Variants in FRMPD4 observed in about 807,000 individuals in gnomAD.
FRMPD4 encodes the protein FERM and PDZ domain-containing protein 4.
FRMPD4 carries 22 observed loss-of-function variants against 94.1 expected under a neutral mutation model. The observed-to-expected ratio is 0.23, with a 90% CI of 0.17 to 0.33. FRMPD4 has a LOEUF of 0.33. Ranked by LOEUF, FRMPD4 falls within the 10% of genes least tolerant of loss-of-function variation. The pLI, the probability that FRMPD4 is intolerant of heterozygous loss-of-function variation, is 1.00. For synonymous variants in FRMPD4, 631 were observed against 548.6 expected (o/e 1.15, Z -2.10); for missense variants, 1,111 against 1,339.9 (o/e 0.83, Z 2.67).
rs763254065 is a variant in FRMPD4 at position 12,498,707 on chromosome X, G to A, written c.69G>A (p.Pro23=). The change falls in exon 2 of 17, where the codon CCG becomes CCA. Residue 23 remains proline (P), a synonymous_variant. Transcript: ENST00000675598. ...SSHRTKSSGW[P]PPSGTWGLSQ... is the part of the protein sequence containing the mutation. Reference sequence around the variant, plus strand: ...ACAGGACGAAGTCTTCAGGCTGGCCGCCTCCCTCGGGAACCTGGGGCTTGA... The same window carrying A: ...ACAGGACGAAGTCTTCAGGCTGGCCACCTCCCTCGGGAACCTGGGGCTTGA... 32 of 1,190,629 alleles carry A rather than the reference G, an allele frequency of 2.7e-5. No homozygotes were observed. The East Asian group carries it at 5.1e-4, about 19-fold the overall frequency.
rs775888443 is a variant in FRMPD4 at position 12,716,130 on chromosome X, GACC to G, written c.1675_1677del (p.Thr559del). On this transcript the variant is annotated inframe_deletion, in exon 15 of 17. Transcript: ENST00000675598. ...CAGATTGGAACTGTATACCCCAAAT[GACC>G]ACCTTTATTGGCGAAGGGGAACAAG... is the stretch of plus-strand genomic sequence containing the variant. The G allele has an allele frequency of 4.2e-6, 5 of 1,203,079 alleles. No individual in the cohort carries two copies. In the African/African-American group the frequency reaches 8.9e-5, roughly 21 times the overall value.
chrX:12,241,015 G>A (rs1470590443), intron 1 of FRMPD4, among the ~76,000 whole-genome samples: 2 of 112,023 alleles, frequency 1.8e-5, no homozygotes, highest in Non-Finnish European at 3.8e-5. Context: ...ACAGGAATAT[G>A]GCAATAAGAG....
chrX:12,286,289 G>A (rs1244015089), intron 1 of FRMPD4, among the ~76,000 whole-genome samples: 3 of 109,416 alleles, frequency 2.7e-5, no homozygotes, highest in Non-Finnish European at 5.7e-5. Flanking sequence ...AGATAATCTT[G>A]CTGTCATTTT....
intron 4 of FRMPD4, among the ~76,000 whole-genome samples, chrX:12,668,575 G>A (rs1474216502): frequency 1.9e-5 from 2 of 104,790 alleles, no homozygotes; most frequent in East Asian, 3.0e-4. Context: ...TCTGCATGAG[G>A]TTAAGTCATG....
At chrX:12,297,779 A>G (rs2054794916) in intron 1 of FRMPD4, among the ~76,000 whole-genome samples, 1 of 111,421 alleles carries the variant, frequency 9.0e-6, no homozygotes, top group Non-Finnish European at 1.9e-5. Flanking sequence ...GGAGTGATTA[A>G]ATACTGTTGG....
intron 1 of FRMPD4, among the ~76,000 whole-genome samples, chrX:12,232,434 C>T (rs1236168100): frequency 5.4e-5 from 6 of 110,763 alleles, no homozygotes; most frequent in Admixed American, 1.9e-4. Context: ...CATTAGATCT[C>T]GTGAGAACTT....
At chrX:12,366,580 T>G (rs1057422696) in intron 1 of FRMPD4, among the ~76,000 whole-genome samples, 2 of 112,152 alleles carry the variant, frequency 1.8e-5, no homozygotes, top group African/African-American at 6.5e-5. Flanking sequence ...ATTTATTCAT[T>G]TATCAGAAAT....
intron 1 of FRMPD4, among the ~76,000 whole-genome samples, chrX:12,381,919 C>T (rs2056323346): frequency 9.0e-6 from 1 of 111,420 alleles, no homozygotes; most frequent in African/African-American, 3.3e-5. Flanking sequence ...AACATAGAAA[C>T]AGAGCCACAG....
intron 3 of FRMPD4, among the ~76,000 whole-genome samples, chrX:12,049,742 G>A (rs1216942832): frequency 9.0e-6 from 1 of 111,637 alleles, no homozygotes; most frequent in South Asian, 3.7e-4. Flanking sequence ...AGATGACAGC[G>A]CCATGTATGT....
intron 13 of FRMPD4, among the ~76,000 whole-genome samples, chrX:12,708,751 G>A (rs920555016): frequency 2.7e-5 from 3 of 112,107 alleles, no homozygotes; most frequent in Non-Finnish European, 3.8e-5. Context: ...CCACTAGGGT[G>A]CTGGTGTGGG....
intron 1 of FRMPD4, among the ~76,000 whole-genome samples, chrX:12,414,722 A>G (rs771584061): frequency 2.6e-4 from 29 of 111,800 alleles, no homozygotes; most frequent in Admixed American, 1.5e-3. Flanking sequence ...TCAGTAGAAG[A>G]GAGAGGACCT....
At chrX:12,309,283 C>T (rs1460885700) in intron 1 of FRMPD4, among the ~76,000 whole-genome samples, 2 of 111,302 alleles carry the variant, frequency 1.8e-5, no homozygotes, top group African/African-American at 6.6e-5. Flanking sequence ...GATTTGTCTA[C>T]ATGTAACTGT....
chrX:12,518,818 C>T (rs138751818), intron 2 of FRMPD4, among the ~76,000 whole-genome samples: 2,397 of 101,543 alleles, frequency 0.024, 32 homozygotes, highest in Non-Finnish European at 0.04. Context: ...AAATTACGTG[C>T]GCGCGTGCAC....
chrX:12,023,476 G>A (rs994003509), intron 3 of FRMPD4, among the ~76,000 whole-genome samples: 2 of 111,394 alleles, frequency 1.8e-5, no homozygotes, highest in Admixed American at 1.9e-4. Context: ...TCCCCATAGT[G>A]CCCATCTGCT....
At chrX:12,429,618 T>A (rs5978531) in intron 1 of FRMPD4, among the ~76,000 whole-genome samples, 1 of 112,012 alleles carries the variant, frequency 8.9e-6, no homozygotes, top group African/African-American at 3.3e-5. Flanking sequence ...CTGTTTCTTA[T>A]TATTGTTTTT....
At chrX:12,137,860 T>G (rs2055621035), upstream of FRMPD4, among the ~76,000 whole-genome samples, 1 of 112,131 alleles carries the variant, frequency 8.9e-6, no homozygotes, top group Non-Finnish European at 1.9e-5. Flanking sequence ...AGGCTCAGTG[T>G]GCAAAAGCAG....
intron 1 of FRMPD4, among the ~76,000 whole-genome samples, chrX:12,390,391 T>A (rs1234068770): frequency 1.8e-5 from 2 of 112,695 alleles, no homozygotes; most frequent in Non-Finnish European, 3.8e-5. Flanking sequence ...CGTGAGATGA[T>A]CACTTTTCCT....
At chrX:11,824,722 T>A (rs2053431484) in intron 1 of FRMPD4, among the ~76,000 whole-genome samples, 1 of 111,640 alleles carries the variant, frequency 9.0e-6, no homozygotes, top group Non-Finnish European at 1.9e-5. Flanking sequence ...ATTCATATGC[T>A]GGGTCCCAAA....
chrX:12,565,084 C>T (rs1261960305), intron 2 of FRMPD4, among the ~76,000 whole-genome samples: 9 of 44,063 alleles, frequency 2.0e-4, no homozygotes, highest in Non-Finnish European at 3.3e-4. Flanking sequence ...GAGACTCAGT[C>T]TCAAAAAAAA....
Sources: allele counts gnomAD v4.1 joint callset (sites outside exome capture counted in the v4.1 genomes callset), GRCh38; gene constraint gnomAD v4.1.1; transcripts MANE v1.5; gene names NCBI Gene and HGNC (gene_info 2026-07-23, HGNC 2026-07-21).